VAV3: variants seen among roughly 807,000 people sequenced by gnomAD.
The protein encoded by VAV3 is guanine nucleotide exchange factor VAV3.
In VAV3, 94 loss-of-function variants were observed where a neutral mutation model predicts 131.2. The ratio of observed to expected loss-of-function variants is 0.72; its 90% confidence interval spans 0.61 to 0.85. The LOEUF (loss-of-function observed/expected upper bound fraction) is 0.85. Among genes scored for constraint, VAV3 ranks in the 40% least tolerant of loss-of-function variants. The pLI is 0.00. For missense variants in VAV3, 939 were observed against 1,002.7 expected (o/e 0.94, Z 0.86); for synonymous variants, 349 against 342.0 (o/e 1.02, Z -0.22).
At chr1:107,742,150 T>TTCTTACCATACAGGAAAAAC in intron 15 of VAV3, among the ~76,000 whole-genome samples, 1 of 152,352 alleles carries the variant, frequency 6.6e-6, no homozygotes, top group Non-Finnish European at 1.5e-5. Context: ...CTATATAGCC[T>TTCTTACCATACAGGAAAAAC]TCTTACCATA....
At chr1:107,682,001 G>T (rs547426068) in intron 19 of VAV3, among the ~76,000 whole-genome samples, 2 of 152,204 alleles carry the variant, frequency 1.3e-5, no homozygotes, top group South Asian at 2.1e-4. Flanking sequence ...CACTTCTCTT[G>T]TAAGTTTATT....
At chr1:107,833,991 A>C (rs1051991984) in intron 2 of VAV3, among the ~76,000 whole-genome samples, 1 of 152,214 alleles carries the variant, frequency 6.6e-6, no homozygotes, top group Non-Finnish European at 1.5e-5. Context: ...AATAAACCAT[A>C]ACATACTTTT....
intron 21 of VAV3, among the ~76,000 whole-genome samples, chr1:107,614,334 A>G (rs1007432175): frequency 2.0e-5 from 3 of 152,100 alleles, no homozygotes; most frequent in African/African-American, 7.2e-5. Context: ...TTTTAAGCCC[A>G]GAATAGAACA....
intron 19 of VAV3, among the ~76,000 whole-genome samples, chr1:107,662,040 G>C: frequency 6.6e-6 from 1 of 152,172 alleles, no homozygotes; most frequent in South Asian, 2.1e-4. Context: ...TAAGCAAACA[G>C]AATTTTAATT....
At chr1:107,818,710 A>C (rs898237221) in intron 2 of VAV3, among the ~76,000 whole-genome samples, 2 of 152,232 alleles carry the variant, frequency 1.3e-5, no homozygotes, top group Admixed American at 6.5e-5. Context: ...ATAATGTTTA[A>C]GACTATATAC....
chr1:107,771,253 C>CTTTTTTTTTTTTT (rs34501550), intron 5 of VAV3, among the ~76,000 whole-genome samples: 1 of 135,134 alleles, frequency 7.4e-6, no homozygotes, highest in Non-Finnish European at 1.6e-5. Flanking sequence ...TTCTTGTCAG[C>CTTTTTTTTTTTTT]TTTTTTTTTT....
chr1:107,690,352 C>T (rs887052846), intron 17 of VAV3, among the ~76,000 whole-genome samples: 1 of 152,022 alleles, frequency 6.6e-6, no homozygotes, highest in Admixed American at 6.6e-5. Context: ...CAAGTAGCTA[C>T]GGAGACACTT....
In VAV3 at chr1:107,796,431, A is replaced by G. The variant is rs143983043; in HGVS notation, c.322-16939T>C. On this transcript the variant is annotated intron_variant, in intron 2 of 26. Transcript: ENST00000370056. Reference sequence around the variant, plus strand: ...TTCTCTTAGAAAAAACAAGACATGTATACTGGGGCCAATGTACTTGACTGT... The same window carrying G: ...TTCTCTTAGAAAAAACAAGACATGTGTACTGGGGCCAATGTACTTGACTGT... 3.5e-3 allele frequency among the ~76,000 whole-genome samples: 528 copies of G among 152,240 alleles called. 2 individuals carry two copies. Among genetic ancestry groups the G allele is most frequent in the African/African-American group, 0.012 (513 of 41,554 alleles).
chr1:107,870,730 A>T (rs1670214328), intron 2 of VAV3, among the ~76,000 whole-genome samples: 1 of 152,036 alleles, frequency 6.6e-6, no homozygotes, highest in Non-Finnish European at 1.5e-5. Flanking sequence ...GATGCTCTGA[A>T]TTCCTTTTGA....
At chr1:107,635,961 T>C (rs901468094) in intron 20 of VAV3, among the ~76,000 whole-genome samples, 1 of 152,222 alleles carries the variant, frequency 6.6e-6, no homozygotes, top group African/African-American at 2.4e-5. Context: ...AGGATAATAA[T>C]AGTAATTCAT....
At chr1:107,727,905 A>C (rs1251270878) in intron 15 of VAV3, among the ~76,000 whole-genome samples, 2 of 152,226 alleles carry the variant, frequency 1.3e-5, no homozygotes, top group South Asian at 2.1e-4. Flanking sequence ...TTGAATATGG[A>C]ATTGCAAGCT....
intron 17 of VAV3, among the ~76,000 whole-genome samples, chr1:107,694,218 G>A (rs1659610894): frequency 6.6e-6 from 1 of 152,164 alleles, no homozygotes; most frequent in African/African-American, 2.4e-5. Context: ...ACCATTGGAT[G>A]GTCAAGGTAC....
intron 1 of VAV3, among the ~76,000 whole-genome samples, chr1:107,957,815 A>G (rs898287334): frequency 1.3e-5 from 2 of 152,014 alleles, no homozygotes; most frequent in African/African-American, 4.8e-5. Context: ...AAATTAGAAA[A>G]TATGTGGTGA....
At position 107,726,310 on chromosome 1, in the gene VAV3, C is replaced by G. The variant is rs953405313; in HGVS notation, c.1503-21249G>C. ...CTCCAAAGTAGAATTTCATTAAACT[C>G]TGCTTAGGTTTGATCCTCACACAAG... is the stretch of plus-strand genomic sequence containing the variant. On this transcript the variant is annotated intron_variant, in intron 15 of 26. Transcript: ENST00000370056. 2.0e-5 allele frequency among the ~76,000 whole-genome samples: 3 copies of G among 152,298 alleles called. No individual in the cohort carries two copies. The East Asian group carries it at 5.8e-4, about 29-fold the overall frequency.
At chr1:107,690,882 T>C (rs1251665315) in intron 17 of VAV3, among the ~76,000 whole-genome samples, 1 of 152,188 alleles carries the variant, frequency 6.6e-6, no homozygotes, top group African/African-American at 2.4e-5. Context: ...GGATACGGCA[T>C]AGAGCTGTTT....
intron 2 of VAV3, among the ~76,000 whole-genome samples, chr1:107,832,740 A>G (rs1024709551): frequency 2.6e-5 from 4 of 152,194 alleles, no homozygotes; most frequent in Non-Finnish European, 5.9e-5. Flanking sequence ...TTCAATATTC[A>G]TATTTAAGCT....
chr1:107,757,840 T>A (rs752580347), intron 10 of VAV3, among the ~76,000 whole-genome samples: 2 of 152,144 alleles, frequency 1.3e-5, no homozygotes, highest in Non-Finnish European at 2.9e-5. Context: ...TTCCTTAAGT[T>A]TTCACCCTAG....
chr1:107,944,590 C>T (rs1339470844), intron 1 of VAV3, among the ~76,000 whole-genome samples: 1 of 151,740 alleles, frequency 6.6e-6, no homozygotes, highest in Non-Finnish European at 1.5e-5. Flanking sequence ...TCTGAATGAA[C>T]AAAACGCAGT....
intron 1 of VAV3, among the ~76,000 whole-genome samples, chr1:107,889,017 G>T (rs1355057083): frequency 6.6e-6 from 1 of 151,890 alleles, no homozygotes; most frequent in East Asian, 1.9e-4. Flanking sequence ...GGGTGGGTCT[G>T]ACTCCTGGGC....
Sources: allele counts gnomAD v4.1 joint callset (sites outside exome capture counted in the v4.1 genomes callset), GRCh38; gene constraint gnomAD v4.1.1; transcripts MANE v1.5; gene names NCBI Gene and HGNC (gene_info 2026-07-23, HGNC 2026-07-21).